The following MPDZ variants were observed in gnomAD, a reference collection of about 807,000 sequenced individuals.
MPDZ encodes the protein multiple PDZ domain crumbs cell polarity complex component.
MPDZ carries 234 observed loss-of-function variants against 239.1 expected under a neutral mutation model. That is an observed-to-expected ratio of 0.98 (90% CI 0.88 to 1.09). The LOEUF (loss-of-function observed/expected upper bound fraction) is 1.09. Ranked by LOEUF, MPDZ falls within the 50% of genes least tolerant of loss-of-function variation. The pLI, the probability that MPDZ is intolerant of heterozygous loss-of-function variation, is 0.00. For missense variants in MPDZ, 3,175 were observed against 2,510.0 expected (o/e 1.26, Z -5.66); for synonymous variants, 1,048 against 881.3 (o/e 1.19, Z -3.35).
At chr9:13,126,392 T>C (rs1014783206) in intron 34 of MPDZ, 124 bp downstream of exon 34, 26 of 553,810 alleles carry the variant, frequency 4.7e-5, no homozygotes, top group Non-Finnish European at 7.2e-5. Flanking sequence ...CAATCTCTTC[T>C]TTTCCTTAAG....
At chr9:13,107,373 C>G (rs1317114209) in intron 46 of MPDZ, among the ~76,000 whole-genome samples, 2 of 152,098 alleles carry the variant, frequency 1.3e-5, no homozygotes, top group South Asian at 2.1e-4. Context: ...TTTGGCTGTT[C>G]AGCACAGCAG....
intron 3 of MPDZ, among the ~76,000 whole-genome samples, chr9:13,240,006 T>C (rs1426297150): frequency 6.6e-6 from 1 of 152,142 alleles, no homozygotes; most frequent in African/African-American, 2.4e-5. Context: ...TATCAAGGTA[T>C]GCTGAAATTT....
Position 13,196,108 on chromosome 9 carries a change from TC to T in MPDZ, c.1656+12del. 6.5e-7 allele frequency: 1 copy of T among 1,541,460 alleles called. No individual in the cohort carries two copies. The highest frequency in any genetic ancestry group is 8.9e-7 in the Non-Finnish European group (1 of 1,127,400). On this transcript the variant is annotated intron_variant, in intron 13 of 46. Transcript: ENST00000319217. ...TTACAAGTTAGAAAATTACAGAAGG[TC>T]AGCTAACCTACCACTATTTCATAGT...
At chr9:13,275,282 G>A (rs1973913402) in intron 1 of MPDZ, among the ~76,000 whole-genome samples, 1 of 152,144 alleles carries the variant, frequency 6.6e-6, no homozygotes, top group Non-Finnish European at 1.5e-5. Flanking sequence ...CACTAGGGGT[G>A]GGCTCTAACA....
chr9:13,123,671 T>C (rs1316168926), intron 35 of MPDZ, among the ~76,000 whole-genome samples: 1 of 152,188 alleles, frequency 6.6e-6, no homozygotes, highest in Non-Finnish European at 1.5e-5. Context: ...AACACATTTC[T>C]TATGAATTAA....
chr9:13,179,945 T>G, intron 19 of MPDZ, among the ~76,000 whole-genome samples: 1 of 152,184 alleles, frequency 6.6e-6, no homozygotes, highest in Middle Eastern at 3.4e-3. Context: ...AAAAATAGAT[T>G]GCAACCAAAG....
At chr9:13,115,907 T>G (rs1943353652) in intron 39 of MPDZ, among the ~76,000 whole-genome samples, 1 of 138,332 alleles carries the variant, frequency 7.2e-6, no homozygotes, top group Non-Finnish European at 1.5e-5. Flanking sequence ...ATCATGCCAC[T>G]GCACTCCACC....
chr9:13,230,721 A>C (rs773694767), intron 3 of MPDZ, among the ~76,000 whole-genome samples: 2 of 152,122 alleles, frequency 1.3e-5, no homozygotes, highest in Admixed American at 6.6e-5. Context: ...AGGTTAATCT[A>C]TATAAGTAAA....
intron 1 of MPDZ, among the ~76,000 whole-genome samples, chr9:13,260,405 G>A (rs1405750239): frequency 6.6e-6 from 1 of 152,142 alleles, no homozygotes; most frequent in Non-Finnish European, 1.5e-5. Flanking sequence ...CACCTTTCCG[G>A]GCTTTGGTTA....
At chr9:13,130,731 A>T (rs2132006768) in intron 32 of MPDZ, among the ~76,000 whole-genome samples, 1 of 152,362 alleles carries the variant, frequency 6.6e-6, no homozygotes, top group Non-Finnish European at 1.5e-5. Flanking sequence ...ATATAAGTTA[A>T]AAGAAATCAG....
intron 23 of MPDZ, among the ~76,000 whole-genome samples, chr9:13,161,865 T>C (rs749948797): frequency 7.2e-5 from 11 of 152,176 alleles, no homozygotes; most frequent in Non-Finnish European, 1.6e-4. Context: ...CTTAATACTT[T>C]GTATATCAAG....
intron 3 of MPDZ, among the ~76,000 whole-genome samples, chr9:13,236,219 G>GTGTGTA (rs1439723671): frequency 3.0e-5 from 3 of 101,618 alleles, no homozygotes; most frequent in Non-Finnish European, 5.8e-5. Flanking sequence ...GTGTGTGTGT[G>GTGTGTA]TGTGTGTATA....
chr9:13,119,690 C>T (rs771010389), intron 38 of MPDZ, 41 bp from the exon 39 acceptor site: 22 of 1,612,310 alleles, frequency 1.4e-5, no homozygotes, highest in Admixed American at 5.0e-5. Context: ...TTTTGCTCAA[C>T]TGTAATGCAA....
At chr9:13,136,063 C>A in intron 31 of MPDZ, 29 bp downstream of exon 31, 1 of 1,423,310 alleles carries the variant, frequency 7.0e-7, no homozygotes, top group Non-Finnish European at 9.8e-7. Flanking sequence ...TCAAGTCTTC[C>A]CAGAGAAACA....
rs1216812641 is a variant in MPDZ, at chr9:13,109,070, G to A, written c.5943-11C>T. 2.1e-5 allele frequency: 29 copies of A among 1,368,502 alleles called. No homozygotes were observed. Among genetic ancestry groups the A allele is most frequent in the South Asian group, 6.4e-5 (3 of 46,740 alleles). The allele number at this position is 1,368,502 out of a possible 1,614,324, so 84.8% of individuals were successfully genotyped here. A position where few individuals can be genotyped will look rare whatever the true frequency, so the allele number is the denominator to read the frequency against. On this transcript the variant is annotated splice_polypyrimidine_tract_variant and intron_variant, in intron 45 of 46. Transcript: ENST00000319217. ...TTACATTGAGGAGGTCTACGGTGAA[G>A]GAAAGGAAAAAGAGGTTTTAAATTA...
intron 43 of MPDZ, among the ~76,000 whole-genome samples, chr9:13,111,161 G>A (rs1412695065): frequency 1.3e-5 from 2 of 152,238 alleles, no homozygotes; most frequent in Non-Finnish European, 2.9e-5. Context: ...CCCACTGCCT[G>A]TTTTGGTTAA....
chr9:13,205,916 C>A lies in MPDZ; in HGVS notation c.1474G>T (p.Glu492Ter). Residue 492 changes from glutamate (E) to a stop codon, truncating the protein, a stop_gained and splice_region_variant, in exon 11 of 47, where the codon GAA (glutamate) becomes TAA (stop). Transcript: ENST00000319217. LOFTEE classifies it high-confidence loss of function. ...LSPVNASIIK[E>*]NYEKDEDFLS... ...AAAAACCAGATTAACATAGGATTAC[C>A]TTTGATTATGCTGGCATTAACAGGA... The A allele has an allele frequency of 6.3e-7, 1 of 1,582,722 alleles. No individual in the cohort carries two copies. The highest frequency in any genetic ancestry group is 8.6e-7 in the Non-Finnish European group (1 of 1,165,500).
Position 13,168,548 on chromosome 9 carries a change from A to G in MPDZ, c.3072T>C (p.Ala1024=). ...GNSSLGMTVS[A]NKDGLGMIVR... ...CGATCATCCCCAAGCCATCTTTATT[A>G]GCACTAACTGTCATTCCTACAGGAA... is the stretch of plus-strand genomic sequence containing the variant. The change falls in exon 22 of 47, where the codon GCT becomes GCC. Residue 1024 remains alanine, a synonymous_variant. Coordinates refer to ENST00000319217, the MANE Select transcript of MPDZ (RefSeq NM_001378778.1). 1 of 1,601,894 alleles carries G rather than the reference A, an allele frequency of 6.2e-7. No homozygotes were observed. Among genetic ancestry groups the G allele is most frequent in the South Asian group, 1.1e-5 (1 of 87,260 alleles).
Position 13,150,642 on chromosome 9 carries a change from C to T in MPDZ, c.3499G>A (p.Val1167Ile), listed in dbSNP as rs374316677. 14 of 1,509,874 alleles carry T rather than the reference C, an allele frequency of 9.3e-6. No individual in the cohort carries two copies. Among genetic ancestry groups the T allele is most frequent in the Non-Finnish European group, 1.2e-5 (14 of 1,125,818 alleles). The allele number at this position is 1,509,874 out of a possible 1,614,324, so 93.5% of individuals were successfully genotyped here. A position where few individuals can be genotyped will look rare whatever the true frequency, so the allele number is the denominator to read the frequency against. ...CGACTCCCCATCCCTCGTCCACCAA[C>T]AATGCTGATGCCTAAGGATTTGCTT... ...EPSKSLGISI[V>I]GGRGMGSRLS... Residue 1167 changes from valine (V) to isoleucine (I), a missense_variant, in exon 25 of 47, where the codon GTT becomes ATT. Coordinates refer to ENST00000319217, the MANE Select transcript of MPDZ (RefSeq NM_001378778.1).
Sources: allele counts gnomAD v4.1 joint callset (sites outside exome capture counted in the v4.1 genomes callset), GRCh38; gene constraint gnomAD v4.1.1; transcripts MANE v1.5; gene names NCBI Gene and HGNC (gene_info 2026-07-23, HGNC 2026-07-21).